Variants in OLAH observed in about 807,000 individuals in gnomAD.
OLAH encodes oleoyl-ACP hydrolase, also known as S-acyl fatty acid synthase thioesterase, medium chain.
In OLAH, 33 loss-of-function variants were observed where a neutral mutation model predicts 27.8. The observed-to-expected ratio is 1.19, with a 90% CI of 0.90 to 1.59. The LOEUF (loss-of-function observed/expected upper bound fraction) is 1.59. OLAH is among the 40% of genes most tolerant of loss of function. The pLI is 0.00. For missense variants in OLAH, 359 were observed against 310.8 expected (o/e 1.16, Z -1.17); for synonymous variants, 120 against 102.9 (o/e 1.17, Z -1.01).
chr10:15,047,374 C>T (rs1844040771), intron 2 of OLAH, 54 bp downstream of exon 2: 1 of 1,559,844 alleles, frequency 6.4e-7, no homozygotes, highest in Non-Finnish European at 8.8e-7. Flanking sequence ...GGCTCCGATA[C>T]CCTGCCTTTG....
At chr10:15,056,300 T>C (rs1451558192) in intron 3 of OLAH, among the ~76,000 whole-genome samples, 1 of 152,178 alleles carries the variant, frequency 6.6e-6, no homozygotes, top group African/African-American at 2.4e-5. Context: ...CTTATATACA[T>C]GTACGAGAGA....
chr10:15,048,306 CT>C (rs1049897339), intron 2 of OLAH, among the ~76,000 whole-genome samples: 33 of 152,166 alleles, frequency 2.2e-4, no homozygotes, highest in African/African-American at 6.3e-4. Context: ...CAACCCCCCC[CT>C]CCTGGGTTCA....
At chr10:15,043,710 C>T (rs56351376), upstream of OLAH, among the ~76,000 whole-genome samples, 6,126 of 152,158 alleles carry the variant, frequency 0.04, 186 homozygotes, top group Non-Finnish European at 0.063. Flanking sequence ...TCAGGTGATC[C>T]GCCCACTTTA....
chr10:15,061,956 C>T, intron 4 of OLAH, 94 bp downstream of exon 4: 1 of 1,213,964 alleles, frequency 8.2e-7, no homozygotes, highest in Middle Eastern at 2.0e-4. Flanking sequence ...AGATGCATAC[C>T]TTTGTATTGG....
intron 6 of OLAH, 124 bp downstream of exon 6, chr10:15,065,877 C>A (rs1396374633): frequency 3.5e-5 from 28 of 797,532 alleles, no homozygotes; most frequent in Non-Finnish European, 5.5e-5. Context: ...GTTTCATTTC[C>A]TTTGGGGCCA....
intron 6 of OLAH, among the ~76,000 whole-genome samples, chr10:15,070,301 A>T (rs1844558371): frequency 6.6e-6 from 1 of 152,012 alleles, no homozygotes; most frequent in South Asian, 2.1e-4. Flanking sequence ...TCCGTTATCC[A>T]CACTCTATCC....
intron 3 of OLAH, among the ~76,000 whole-genome samples, chr10:15,051,382 G>C (rs774784162): frequency 1.3e-5 from 2 of 152,180 alleles, no homozygotes; most frequent in Non-Finnish European, 2.9e-5. Flanking sequence ...TTAAGGTCTG[G>C]AGAGCCATGA....
In OLAH at chr10:15,072,422, C is replaced by G. The variant is rs558863063; in HGVS notation, c.655+545C>G. ...AGAGAACTGCTGTATACTGATAGGTCTCAAAGAAATAAAAAATGCAGGACA... is the reference window on the plus strand; with the variant it reads ...AGAGAACTGCTGTATACTGATAGGTGTCAAAGAAATAAAAAATGCAGGACA... On this transcript the variant is annotated intron_variant, in intron 7 of 7. Transcript: ENST00000378228. 5.9e-5 allele frequency among the ~76,000 whole-genome samples: 9 copies of G among 152,002 alleles called. No individual in the cohort carries two copies. In the South Asian group the frequency reaches 1.7e-3, roughly 28 times the overall value.
At chr10:15,044,878 T>A (rs189615483) in intron 1 of OLAH, among the ~76,000 whole-genome samples, 1 of 152,302 alleles carries the variant, frequency 6.6e-6, no homozygotes, top group East Asian at 1.9e-4. Flanking sequence ...TTGTAATGCA[T>A]CTCTATAAAG....
intron 2 of OLAH, among the ~76,000 whole-genome samples, chr10:15,048,629 T>C (rs895642232): frequency 2.6e-5 from 4 of 152,230 alleles, no homozygotes; most frequent in Non-Finnish European, 5.9e-5. Flanking sequence ...ATCATGAAGA[T>C]ACCAAGATTG....
In OLAH at chr10:15,065,593, T is replaced by G; in HGVS notation, c.412T>G (p.Trp138Gly). 1 of 1,610,358 alleles carries G rather than the reference T, an allele frequency of 6.2e-7. No individual in the cohort carries two copies. ...TTGTTCATGTTTCAAGTCAAAGGCC[T>G]GGCATCGCATTCCCAAAGATGATGA... ...SSATPVHSKA[W>G]HRIPKDDELS... The change falls in exon 6 of 8, where the codon TGG (tryptophan) becomes GGG (glycine). Residue 138 changes from tryptophan to glycine, a missense_variant. By Grantham distance (184) the Trp-to-Gly change is radical (BLOSUM62 -2). Transcript: ENST00000378228.
intron 6 of OLAH, chr10:15,071,474 T>A: frequency 1.0e-6 from 1 of 964,160 alleles, no homozygotes; most frequent in South Asian, 4.8e-5. Flanking sequence ...GAGCTAAGAG[T>A]TACTAAAGAG....
chr10:15,034,655 G>C (rs9664557), intron 1 of OLAH, among the ~76,000 whole-genome samples: 65,489 of 151,946 alleles, frequency 0.43, 14,839 homozygotes, highest in East Asian at 0.69. Flanking sequence ...TTGCAGGTGT[G>C]CTCTGTGATG....
chr10:15,050,175 T>C (rs1472202842), intron 3 of OLAH, among the ~76,000 whole-genome samples: 2 of 152,256 alleles, frequency 1.3e-5, no homozygotes, highest in African/African-American at 4.8e-5. Flanking sequence ...ACCAGCACTT[T>C]GGGAGGCTGA....
At chr10:15,069,797 CAG>C (rs1292382024) in intron 6 of OLAH, among the ~76,000 whole-genome samples, 4 of 152,128 alleles carry the variant, frequency 2.6e-5, no homozygotes, top group Non-Finnish European at 5.9e-5. Flanking sequence ...ACCCAGGAGA[CAG>C]AGGTTGCAAT....
At chr10:15,048,432 G>C (rs141564031) in intron 2 of OLAH, among the ~76,000 whole-genome samples, 1,660 of 152,288 alleles carry the variant, frequency 0.011, 9 homozygotes, top group Non-Finnish European at 0.019. Flanking sequence ...TGGCCAGGCT[G>C]GTCTCGAACT....
chr10:15,070,120 G>A (rs1303949658), intron 6 of OLAH, among the ~76,000 whole-genome samples: 3 of 150,360 alleles, frequency 2.0e-5, no homozygotes, highest in Non-Finnish European at 4.4e-5. Context: ...TTGAGTTCAC[G>A]ACAAGTCATG....
upstream of OLAH, among the ~76,000 whole-genome samples, chr10:15,041,435 C>T (rs946541715): frequency 2.6e-5 from 4 of 151,984 alleles, no homozygotes; most frequent in South Asian, 2.1e-4. Flanking sequence ...TGTGCCTCCA[C>T]GCCTGCCTAA....
chr10:15,051,875 A>C (rs1278053059), intron 3 of OLAH, among the ~76,000 whole-genome samples: 4 of 152,168 alleles, frequency 2.6e-5, no homozygotes, highest in Admixed American at 6.6e-5. Flanking sequence ...CATTTGTGGG[A>C]TATACAGTGC....
Sources: gnomAD v4.1 joint callset for allele counts (sites outside exome capture counted in the v4.1 genomes callset) on GRCh38, gnomAD v4.1.1 for gene constraint, MANE v1.5 for transcripts, NCBI Gene and HGNC (gene_info 2026-07-23, HGNC 2026-07-21) for gene names.